EXOC4: variants seen among roughly 807,000 people sequenced by gnomAD.
EXOC4 encodes SEC8-like 1.
In EXOC4, 71 loss-of-function variants were observed where a neutral mutation model predicts 107.2. That is an observed-to-expected ratio of 0.66 (90% confidence interval 0.55 to 0.81). The LOEUF is 0.81. Among genes scored for constraint, EXOC4 ranks in the 30% least tolerant of loss-of-function variants. The probability of loss-of-function intolerance (pLI) is 0.00; values close to 1 mark genes in which losing one functional copy is unlikely to be tolerated. For synonymous variants in EXOC4, 456 were observed against 441.2 expected (o/e 1.03, Z -0.42); for missense variants, 1,108 against 1,189.6 (o/e 0.93, Z 1.01).
At chr7:133,268,954 T>A (rs1793800699) in intron 1 of EXOC4, among the ~76,000 whole-genome samples, 1 of 152,220 alleles carries the variant, frequency 6.6e-6, no homozygotes, top group Admixed American at 6.5e-5. Flanking sequence ...CCAGCTTAAC[T>A]GGAATCTAGT....
chr7:133,801,330 A>G (rs1225836250), intron 10 of EXOC4, among the ~76,000 whole-genome samples: 10 of 152,190 alleles, frequency 6.6e-5, no homozygotes, highest in Non-Finnish European at 1.5e-4. Flanking sequence ...ATGAATGCAA[A>G]TAAGACTTTC....
At chr7:133,304,074 C>G (rs1461031526) in intron 3 of EXOC4, among the ~76,000 whole-genome samples, 8 of 152,148 alleles carry the variant, frequency 5.3e-5, no homozygotes, top group Non-Finnish European at 1.2e-4. Flanking sequence ...TTCCTACAAA[C>G]AAATCAAGTG....
rs181727546 is a variant in EXOC4, at chr7:133,880,213, G to T, written c.1735-15386G>T. On this transcript the variant is annotated intron_variant, in intron 11 of 17. Coordinates refer to ENST00000253861, the MANE Select transcript of EXOC4 (RefSeq NM_021807.4). ...TTCTCTTGGACTATCACTGTTTCCTGTTCTAATTGATGTTTTCCCAAGTAG... is the reference window on the plus strand; with the variant it reads ...TTCTCTTGGACTATCACTGTTTCCTTTTCTAATTGATGTTTTCCCAAGTAG... Among the ~76,000 whole-genome samples, 17 of 152,128 alleles carry T rather than the reference G, an allele frequency of 1.1e-4. No homozygotes were observed. In the East Asian group the frequency reaches 2.9e-3, roughly 26 times the overall value.
chr7:133,542,227 G>C (rs937999481), intron 9 of EXOC4, among the ~76,000 whole-genome samples: 1 of 150,810 alleles, frequency 6.6e-6, no homozygotes, highest in African/African-American at 2.4e-5. Context: ...CAAAGAAATG[G>C]AGGAAATTGT....
the EXOC4 span, among the ~76,000 whole-genome samples, chr7:134,079,385 T>C: frequency 1.4e-5 from 2 of 139,490 alleles, no homozygotes; most frequent in African/African-American, 2.8e-5. Context: ...TTCATAGCTG[T>C]CAAATACTAG....
intron 9 of EXOC4, among the ~76,000 whole-genome samples, chr7:133,525,849 A>G (rs1800068399): frequency 6.6e-6 from 1 of 152,204 alleles, no homozygotes; most frequent in Non-Finnish European, 1.5e-5. Flanking sequence ...GCTAAATTTC[A>G]GTAGAGGTTA....
In EXOC4 at chr7:133,256,534, G is replaced by C. The variant is rs575858811; in HGVS notation, c.86+3347G>C. Among the ~76,000 whole-genome samples the C allele has an allele frequency of 4.0e-4, 61 of 152,298 alleles. 1 individual carries two copies. Among genetic ancestry groups the C allele is most frequent in the Admixed American group, 7.8e-4 (12 of 15,304 alleles). ...AAAATAAATTACCGACAGTTAGAGAGTCTACTGTCTTTTGAAAAGTTTGAT... is the reference window on the plus strand; with the variant it reads ...AAAATAAATTACCGACAGTTAGAGACTCTACTGTCTTTTGAAAAGTTTGAT... On this transcript the variant is annotated intron_variant, in intron 1 of 17. Transcript: ENST00000253861.
chr7:134,005,641 T>G (rs1338233485), intron 16 of EXOC4, among the ~76,000 whole-genome samples: 1 of 152,148 alleles, frequency 6.6e-6, no homozygotes, highest in East Asian at 1.9e-4. Context: ...CTTCACAATT[T>G]GGAAAAAATG....
chr7:133,760,957 T>C (rs1270675550), intron 10 of EXOC4, among the ~76,000 whole-genome samples: 1 of 152,178 alleles, frequency 6.6e-6, no homozygotes, highest in East Asian at 1.9e-4. Flanking sequence ...ATTTGACCCA[T>C]AACACCCAGT....
At chr7:134,063,051 T>A (rs747997584) in intron 17 of EXOC4, among the ~76,000 whole-genome samples, 1 of 152,190 alleles carries the variant, frequency 6.6e-6, no homozygotes, top group Non-Finnish European at 1.5e-5. Flanking sequence ...GAATGGCACC[T>A]CTGCTCTCTG....
chr7:133,745,794 T>A (rs1795664445), intron 10 of EXOC4, among the ~76,000 whole-genome samples: 1 of 151,550 alleles, frequency 6.6e-6, no homozygotes. Context: ...GTTTTGATGG[T>A]CTCTCCTTCT....
At chr7:133,987,156 A>T (rs1430194576) in intron 14 of EXOC4, among the ~76,000 whole-genome samples, 1 of 152,158 alleles carries the variant, frequency 6.6e-6, no homozygotes, top group African/African-American at 2.4e-5. Context: ...GGAAAACTGA[A>T]GATTAAAAAT....
intron 7 of EXOC4, among the ~76,000 whole-genome samples, chr7:133,445,461 AGAAT>A (rs1364707306): frequency 6.6e-6 from 1 of 152,212 alleles, no homozygotes; most frequent in Non-Finnish European, 1.5e-5. Flanking sequence ...GACCAATCTT[AGAAT>A]CCAAGGCTTT....
At chr7:134,059,161 G>A (rs1191691181) in intron 17 of EXOC4, among the ~76,000 whole-genome samples, 3 of 152,160 alleles carry the variant, frequency 2.0e-5, no homozygotes, top group East Asian at 3.8e-4. Context: ...TTTATGGAAC[G>A]CCTACAAGTA....
intron 9 of EXOC4, among the ~76,000 whole-genome samples, chr7:133,526,550 C>G (rs537212934): frequency 1.3e-5 from 2 of 152,246 alleles, no homozygotes; most frequent in African/African-American, 4.8e-5. Context: ...CTTTCTGAAG[C>G]CAGTGAATTT....
chr7:134,062,515 T>G (rs10281116), intron 17 of EXOC4, among the ~76,000 whole-genome samples: 4,324 of 152,308 alleles, frequency 0.028, 186 homozygotes, highest in African/African-American at 0.093. Context: ...ATACAGGATT[T>G]CTGAGCCACT....
At position 133,703,674 on chromosome 7, in the gene EXOC4, T is replaced by G. The variant is rs138938064; in HGVS notation, c.1514+73533T>G. ...CATAGCCTTTTCCTATCATAACAAA[T>G]TACGCTTATGCATGCCTACTGCATT... On this transcript the variant is annotated intron_variant, in intron 10 of 17. Transcript: ENST00000253861. 1.8e-3 allele frequency among the ~76,000 whole-genome samples: 271 copies of G among 152,312 alleles called. 1 individual carries two copies. Among genetic ancestry groups the G allele is most frequent in the Non-Finnish European group, 3.3e-3 (225 of 68,028 alleles).
rs79648621 is a variant in EXOC4 at position 133,869,445 on chromosome 7, A to T, written c.1735-26154A>T. Among the ~76,000 whole-genome samples, 364 of 152,184 alleles carry T rather than the reference A, an allele frequency of 2.4e-3. 5 individuals carry two copies. Among genetic ancestry groups the T allele is most frequent in the African/African-American group, 8.2e-3 (340 of 41,526 alleles). ...AAATGAGGCATGTGAGGACTAAATGAGATGAAGTCTTGTCCCTGCTTAGCA... is the reference window on the plus strand; with the variant it reads ...AAATGAGGCATGTGAGGACTAAATGTGATGAAGTCTTGTCCCTGCTTAGCA... On this transcript the variant is annotated intron_variant, in intron 11 of 17. Transcript: ENST00000253861.
Position 133,303,864 on chromosome 7 carries a change from C to T in EXOC4, c.472-2013C>T, listed in dbSNP as rs1794695277. 2.0e-5 allele frequency among the ~76,000 whole-genome samples: 3 copies of T among 152,310 alleles called. No individual in the cohort carries two copies. The East Asian group carries it at 5.8e-4, about 29-fold the overall frequency. On this transcript the variant is annotated intron_variant, in intron 3 of 17. Coordinates refer to ENST00000253861, the MANE Select transcript of EXOC4 (RefSeq NM_021807.4). ...CACTAAAACATGTTGGGAATACTCT[C>T]TGAGGTTTCTTTACTCATGGAATAA...
Sources: gnomAD v4.1 joint callset for allele counts (sites outside exome capture counted in the v4.1 genomes callset) on GRCh38, gnomAD v4.1.1 for gene constraint, MANE v1.5 for transcripts, NCBI Gene and HGNC (gene_info 2026-07-23, HGNC 2026-07-21) for gene names.